Variants in FOXJ3 observed in about 807,000 individuals in gnomAD.
FOXJ3 encodes forkhead box protein J3.
A neutral mutation model predicts 76.1 loss-of-function variants in FOXJ3; 22 were observed. The ratio of observed to expected loss-of-function variants is 0.29; its 90% CI spans 0.21 to 0.41. FOXJ3 has a LOEUF of 0.41. FOXJ3 is among the 10% of genes least tolerant of loss of function. FOXJ3 has a pLI of 1.00. For synonymous variants in FOXJ3, 269 were observed against 261.2 expected (o/e 1.03, Z -0.29); for missense variants, 613 against 762.1 (o/e 0.80, Z 2.30).
chr1:42,180,826 A>C (rs1183240627), intron 12 of FOXJ3, among the ~76,000 whole-genome samples: 1 of 152,198 alleles, frequency 6.6e-6, no homozygotes, highest in African/African-American at 2.4e-5. Flanking sequence ...CCCCTTTTAC[A>C]AACAGGGAAG....
At chr1:42,252,314 C>G (rs1650157915) in intron 4 of FOXJ3, among the ~76,000 whole-genome samples, 1 of 152,158 alleles carries the variant, frequency 6.6e-6, no homozygotes, top group South Asian at 2.1e-4. Context: ...TGTTATTGGT[C>G]TATTCAGAGA....
chr1:42,216,384 A>G (rs946705582), intron 5 of FOXJ3, among the ~76,000 whole-genome samples: 1 of 151,598 alleles, frequency 6.6e-6, no homozygotes, highest in Non-Finnish European at 1.5e-5. Context: ...CGGGCGTGGT[A>G]GCGGGCGCCT....
At chr1:42,237,474 ATG>A (rs1178542644) in intron 4 of FOXJ3, among the ~76,000 whole-genome samples, 1 of 144,612 alleles carries the variant, frequency 6.9e-6, no homozygotes, top group Non-Finnish European at 1.5e-5. Context: ...ATACATATAT[ATG>A]TATATATATA....
intron 2 of FOXJ3, among the ~76,000 whole-genome samples, chr1:42,298,551 T>C (rs1461295083): frequency 6.6e-6 from 1 of 152,150 alleles, no homozygotes; most frequent in African/African-American, 2.4e-5. Context: ...TTTAAAACTT[T>C]TTTTTTTCTT....
At chr1:42,228,534 T>C (rs939293672) in intron 4 of FOXJ3, among the ~76,000 whole-genome samples, 1 of 147,422 alleles carries the variant, frequency 6.8e-6, no homozygotes, top group Non-Finnish European at 1.5e-5. Context: ...GAGCACCTAC[T>C]GTGTTCCAGG....
At chr1:42,288,244 ACAT>A (rs1653189963) in intron 2 of FOXJ3, among the ~76,000 whole-genome samples, 1 of 152,226 alleles carries the variant, frequency 6.6e-6, no homozygotes, top group African/African-American at 2.4e-5. Context: ...AGAAGATTCA[ACAT>A]CATCTTTGCA....
At chr1:42,298,040 T>C (rs941268734) in intron 2 of FOXJ3, among the ~76,000 whole-genome samples, 1 of 152,098 alleles carries the variant, frequency 6.6e-6, no homozygotes, top group Non-Finnish European at 1.5e-5. Flanking sequence ...TGGCAGGTAA[T>C]TGAATCATGG....
At chr1:42,206,184 A>G (rs529225061) in intron 5 of FOXJ3, among the ~76,000 whole-genome samples, 1 of 152,332 alleles carries the variant, frequency 6.6e-6, no homozygotes, top group Non-Finnish European at 1.5e-5. Flanking sequence ...TTTCAGTAAT[A>G]GATATTTACA....
chr1:42,283,935 C>A (rs1652887472), intron 2 of FOXJ3, among the ~76,000 whole-genome samples: 1 of 152,120 alleles, frequency 6.6e-6, no homozygotes. Flanking sequence ...GGAATGCGGA[C>A]AGAATTAACT....
chr1:42,211,532 C>T (rs1182498515), intron 5 of FOXJ3, among the ~76,000 whole-genome samples: 2 of 151,808 alleles, frequency 1.3e-5, no homozygotes, highest in Admixed American at 6.6e-5. Flanking sequence ...GGAACTTTGC[C>T]CACCACTGGG....
intron 3 of FOXJ3, among the ~76,000 whole-genome samples, chr1:42,274,611 C>A (rs1652117006): frequency 6.6e-6 from 1 of 152,026 alleles, no homozygotes; most frequent in Non-Finnish European, 1.5e-5. Context: ...AATAATAGTA[C>A]CTACTTCATA....
rs368759266 is a variant in FOXJ3, at chr1:42,252,013, G to A, written c.444+13102C>T. ...ATTACAGGCGTGAGCCACCGCGCCC[G>A]GCCGGTTTGCCAGTATTTTATTGAG... On this transcript the variant is annotated intron_variant, in intron 4 of 12. Coordinates refer to ENST00000361346, the MANE Select transcript of FOXJ3 (RefSeq NM_014947.5). Among the ~76,000 whole-genome samples, 205 of 152,112 alleles carry A rather than the reference G, an allele frequency of 1.3e-3. 5 individuals are homozygous for A. The South Asian group carries it at 0.038, about 28-fold the overall frequency.
intron 2 of FOXJ3, among the ~76,000 whole-genome samples, chr1:42,283,036 G>A (rs1257684429): frequency 6.6e-6 from 1 of 152,190 alleles, no homozygotes; most frequent in East Asian, 1.9e-4. Context: ...AGAAAGTAAG[G>A]GTACTCATAG....
intron 1 of FOXJ3, among the ~76,000 whole-genome samples, chr1:42,316,333 C>CATTTTTTTTTTTTTTTTTTTTT (rs1322633444): frequency 1.4e-5 from 1 of 73,914 alleles, no homozygotes; most frequent in Non-Finnish European, 2.7e-5. Context: ...TGCATTGGGC[C>CATTTTTTTTTTTTTTTTTTTTT]TTTTTTTTTT....
intron 4 of FOXJ3, among the ~76,000 whole-genome samples, chr1:42,248,419 AGCTACTCGGGAG>A (rs1649716094): frequency 6.6e-6 from 1 of 151,970 alleles, no homozygotes; most frequent in African/African-American, 2.4e-5. Flanking sequence ...CTGTAGTCCC[AGCTACTCGGGAG>A]GCTGAGGCAG....
In FOXJ3 at chr1:42,227,942, T is replaced by G; in HGVS notation, c.469A>C (p.Asn157His). Reference sequence around the variant, plus strand: ...GTAGGCAGCACATCTTCCTTCGGATTGGTGTCTATTGCCCAGTAGGACCCC... The same window carrying G: ...GTAGGCAGCACATCTTCCTTCGGATGGGTGTCTATTGCCCAGTAGGACCCC... ...GKGSYWAIDT[N>H]PKEDVLPTRP... The change falls in exon 5 of 13, where the codon AAT becomes CAT. Residue 157 changes from asparagine (N) to histidine (H), a missense_variant. This residue lies in a region of FOXJ3 where 526 missense variants were observed against 601.4 expected (regional missense o/e 0.87). Transcript: ENST00000361346. The G allele has an allele frequency of 1.3e-6, 2 of 1,571,540 alleles. No individual in the cohort carries two copies. Among genetic ancestry groups the G allele is most frequent in the Non-Finnish European group, 1.7e-6 (2 of 1,149,894 alleles).
At chr1:42,224,330 C>T (rs1451879949) in intron 5 of FOXJ3, among the ~76,000 whole-genome samples, 1 of 152,068 alleles carries the variant, frequency 6.6e-6, no homozygotes, top group Non-Finnish European at 1.5e-5. Flanking sequence ...TAAACTAACT[C>T]ATGGATTAAG....
intron 9 of FOXJ3, 119 bp from the exon 10 acceptor site, chr1:42,189,523 G>C (rs1557621367): frequency 2.9e-6 from 2 of 682,964 alleles, no homozygotes; most frequent in South Asian, 3.4e-5. Flanking sequence ...TCTTACAAGG[G>C]GATTTGTACC....
In FOXJ3 at chr1:42,178,036, TTTC is replaced by T. The variant is rs753844311; in HGVS notation, c.*1671_*1673del. The T allele has an allele frequency of 7.2e-5, 11 of 152,432 alleles. No individual in the cohort carries two copies. The highest frequency in any genetic ancestry group is 1.5e-4 in the Non-Finnish European group (10 of 68,000). The allele number at this position is 152,432 out of a possible 1,614,324, so 9.4% of individuals were successfully genotyped here. A position where few individuals can be genotyped will look rare whatever the true frequency, so the allele number is the denominator to read the frequency against. ...TCTATTCATTAAAAAAAAACCCTCA[TTTC>T]TTCTAGTTTTATCATAAAACTAAGA... On this transcript the variant is annotated 3_prime_UTR_variant, in exon 13 of 13. Transcript: ENST00000361346.
Sources: gnomAD v4.1 joint callset for allele counts (sites outside exome capture counted in the v4.1 genomes callset) on GRCh38, gnomAD v4.1.1 for gene constraint, gnomAD v4.1.1 regional missense constraint, MANE v1.5 for transcripts, NCBI Gene and HGNC (gene_info 2026-07-23, HGNC 2026-07-21) for gene names.